The following ECHDC2 variants were observed in gnomAD, a reference collection of about 807,000 sequenced individuals.
ECHDC2 encodes enoyl-CoA hydratase domain containing 2.
Under a neutral mutation model 40.6 loss-of-function variants are expected in ECHDC2, and 34 were observed. The ratio of observed to expected loss-of-function variants is 0.84; its 90% CI spans 0.64 to 1.11. The LOEUF is 1.11. Ranked by LOEUF, ECHDC2 falls within the 50% of genes most tolerant of loss-of-function variation. The probability of loss-of-function intolerance (pLI) is 0.00; values close to 1 mark genes in which losing one functional copy is unlikely to be tolerated. For missense variants in ECHDC2, 392 were observed against 400.7 expected, an observed-to-expected ratio of 0.98 and a Z score of 0.19; for synonymous variants, 162 against 166.6, an observed-to-expected ratio of 0.97 and a Z score of 0.21.
chr1:52,897,158 A>G, intron 9 of ECHDC2: 1 of 522,280 alleles, frequency 1.9e-6, no homozygotes, highest in Non-Finnish European at 3.4e-6. Context: ...ATACAGAGGC[A>G]AAAGATGTGG....
intron 8 of ECHDC2, 34 bp from the exon 9 acceptor site, chr1:52,897,518 A>G (rs1646712953): frequency 6.2e-7 from 1 of 1,613,258 alleles, no homozygotes; most frequent in Non-Finnish European, 8.5e-7. Context: ...GATTGGTCTG[A>G]CCTTGTCCAT....
chr1:52,908,006 A>G, intron 3 of ECHDC2, 52 bp from the exon 4 acceptor site: 1 of 1,562,158 alleles, frequency 6.4e-7, no homozygotes, highest in Non-Finnish European at 8.8e-7. Flanking sequence ...CACTTTACGG[A>G]ATCCCAGGCG....
chr1:52,911,943 C>T, intron 1 of ECHDC2, 153 bp from the exon 2 acceptor site: 1 of 1,447,028 alleles, frequency 6.9e-7, no homozygotes, highest in South Asian at 1.4e-5. Flanking sequence ...TCAGGCAGGC[C>T]TCAATTTTCC....
At chr1:52,918,232 C>G (rs1572004827) in intron 1 of ECHDC2, among the ~76,000 whole-genome samples, 1 of 152,114 alleles carries the variant, frequency 6.6e-6, no homozygotes, top group Non-Finnish European at 1.5e-5. Flanking sequence ...ACTATGTTTC[C>G]CAGGCTGGTC....
chr1:52,908,063 G>T, intron 3 of ECHDC2, 109 bp from the exon 4 acceptor site: 1 of 938,626 alleles, frequency 1.1e-6, no homozygotes, highest in Non-Finnish European at 1.7e-6. Flanking sequence ...AGCCAGCGAG[G>T]AAGGAGAAAC....
At chr1:52,896,791 G>T in intron 9 of ECHDC2, 194 bp from the exon 10 acceptor site, 1 of 574,576 alleles carries the variant, frequency 1.7e-6, no homozygotes, top group East Asian at 2.9e-5. Flanking sequence ...GCCAGCCTTT[G>T]TATTCTCTGT....
At chr1:52,908,681 C>T (rs1193507669) in intron 3 of ECHDC2, among the ~76,000 whole-genome samples, 1 of 151,998 alleles carries the variant, frequency 6.6e-6, no homozygotes, top group Non-Finnish European at 1.5e-5. Flanking sequence ...CACCTGTAAT[C>T]CCAGCACTTT....
At position 52,911,587 on chromosome 1, in the gene ECHDC2, C is replaced by T. The variant is rs1218807984; in HGVS notation, c.256G>A (p.Val86Met). The change falls in exon 3 of 10, where the codon GTG becomes ATG. Residue 86 changes from valine (V) to methionine (M), a missense_variant. Physicochemically the swap from Val to Met is conservative, Grantham distance 21. Transcript: ENST00000371522. ...QVRVLLFRSG[V>M]KGVFCAGADL... is the part of the protein sequence containing the mutation. ...CTACCTGCACAGAACACGCCCTTCA[C>T]TCCACTTCTGAAGAGCAGGACACGC... is the stretch of plus-strand genomic sequence containing the variant. 1.2e-6 allele frequency: 2 copies of T among 1,613,930 alleles called. No individual in the cohort carries two copies. The highest frequency in any genetic ancestry group is 1.7e-6 in the Non-Finnish European group (2 of 1,179,926).
chr1:52,911,995 C>T, intron 1 of ECHDC2: 1 of 1,426,990 alleles, frequency 7.0e-7, no homozygotes, highest in Non-Finnish European at 9.1e-7. Context: ...CTTTCTGCCT[C>T]AGAGAGAAAG....
intron 1 of ECHDC2, chr1:52,917,479 A>G (rs72897374): frequency 0.022 from 9,902 of 445,872 alleles, 851 homozygotes; most frequent in African/African-American, 0.18. Context: ...GATTTCCATA[A>G]GCAGAAAGGA....
intron 1 of ECHDC2, chr1:52,920,626 A>C (rs938795623): frequency 1.0e-6 from 1 of 963,960 alleles, no homozygotes; most frequent in Non-Finnish European, 1.7e-6. Flanking sequence ...GGAGATGGTG[A>C]CCCTTTATTT....
intron 3 of ECHDC2, among the ~76,000 whole-genome samples, chr1:52,909,522 T>C (rs1648853653): frequency 1.0e-5 from 1 of 97,360 alleles, no homozygotes; most frequent in African/African-American, 3.9e-5. Context: ...ACTGATGAGC[T>C]TAAAAAAAAA....
intron 3 of ECHDC2, among the ~76,000 whole-genome samples, chr1:52,908,188 A>G (rs941764472): frequency 6.6e-6 from 1 of 152,208 alleles, no homozygotes; most frequent in African/African-American, 2.4e-5. Flanking sequence ...TGTGCATCAG[A>G]GGACACTATC....
At chr1:52,908,929 C>CAAAAA (rs34090739) in intron 3 of ECHDC2, among the ~76,000 whole-genome samples, 30 of 43,862 alleles carry the variant, frequency 6.8e-4, no homozygotes, top group African/African-American at 1.8e-3. Context: ...GACAGAGTCT[C>CAAAAA]AAAAAAAAAA....
chr1:52,911,680 G>A (rs1235234113), intron 2 of ECHDC2, 27 bp from the exon 3 acceptor site: 1 of 1,614,092 alleles, frequency 6.2e-7, no homozygotes, highest in African/African-American at 1.3e-5. Flanking sequence ...GTTAGATAGT[G>A]CCAGCCCATC....
At position 52,915,277 on chromosome 1, in the gene ECHDC2, G is replaced by A. The variant is rs956898782; in HGVS notation, c.122-3487C>T. ...AAAGACCCCTTATTATTATCTCCCA[G>A]GGTCCTCAGCTTTGTCTGTAAACAA... On this transcript the variant is annotated intron_variant, in intron 1 of 9. Coordinates refer to ENST00000371522, the MANE Select transcript of ECHDC2 (RefSeq NM_001198961.2). The A allele has an allele frequency of 3.3e-5, 15 of 455,864 alleles. 1 individual carries two copies. Among genetic ancestry groups the A allele is most frequent in the Non-Finnish European group, 6.6e-5 (15 of 226,804 alleles). 28.2% of individuals were successfully genotyped at this position (455,864 alleles called of 1,614,324 possible).
intron 3 of ECHDC2, among the ~76,000 whole-genome samples, chr1:52,908,181 G>T (rs1254590309): frequency 1.3e-5 from 2 of 152,184 alleles, no homozygotes; most frequent in Non-Finnish European, 2.9e-5. Context: ...AACCTTCTGT[G>T]CATCAGAGGA....
At chr1:52,908,001 T>C in intron 3 of ECHDC2, 47 bp from the exon 4 acceptor site, 1 of 1,575,642 alleles carries the variant, frequency 6.3e-7, no homozygotes, top group Non-Finnish European at 8.7e-7. Flanking sequence ...AATGGCACTT[T>C]ACGGAATCCC....
At chr1:52,905,317 C>A in intron 5 of ECHDC2, 1 of 574,600 alleles carries the variant, frequency 1.7e-6, no homozygotes, top group South Asian at 2.3e-5. Context: ...TGTAAGTCAC[C>A]AGCAAGTCTC....
Sources: gnomAD v4.1 joint callset for allele counts (sites outside exome capture counted in the v4.1 genomes callset) on GRCh38, gnomAD v4.1.1 for gene constraint, MANE v1.5 for transcripts, NCBI Gene and HGNC (gene_info 2026-07-23, HGNC 2026-07-21) for gene names.